The following NXPH2 variants were observed in gnomAD, a reference collection of about 807,000 sequenced individuals.
NXPH2 encodes neurexophilin 2, also known as neurexophilin-2.
In NXPH2, 5 loss-of-function variants were observed where a neutral mutation model predicts 19.8. That is an observed-to-expected ratio of 0.25 (90% CI 0.13 to 0.53). NXPH2 has a LOEUF of 0.53. Among genes scored for constraint, NXPH2 ranks in the 20% least tolerant of loss-of-function variants. NXPH2 has a pLI of 0.96. For synonymous variants in NXPH2, 154 were observed against 127.4 expected, an observed-to-expected ratio of 1.21 and a Z score of -1.41; for missense variants, 289 against 322.8, an observed-to-expected ratio of 0.90 and a Z score of 0.80.
In NXPH2 at chr2:138,771,276, G is replaced by A. The variant is rs112031813; in HGVS notation, c.51+8915C>T. Among the ~76,000 whole-genome samples, 34 of 152,214 alleles carry A rather than the reference G, an allele frequency of 2.2e-4. 1 individual carries two copies. The highest frequency in any genetic ancestry group is 8.2e-4 in the African/African-American group (34 of 41,544). ...AAATATAAGTTGCTCTATCAAAGTA[G>A]CCAAAATATGCTATTGCATTAAAAA... On this transcript the variant is annotated intron_variant, in intron 1 of 1. Transcript: ENST00000272641.
chr2:138,767,836 C>A (rs1474129542), intron 1 of NXPH2, among the ~76,000 whole-genome samples: 3 of 152,084 alleles, frequency 2.0e-5, no homozygotes, highest in Admixed American at 6.6e-5. Context: ...TCCTCTTTTT[C>A]TGGAGCTCTT....
At chr2:138,728,056 A>G (rs1027449757) in intron 1 of NXPH2, among the ~76,000 whole-genome samples, 3 of 152,176 alleles carry the variant, frequency 2.0e-5, no homozygotes, top group African/African-American at 7.2e-5. Flanking sequence ...TCATATATTG[A>G]AGCCCTTGCC....
intron 1 of NXPH2, among the ~76,000 whole-genome samples, chr2:138,761,241 C>T (rs1305275720): frequency 2.0e-5 from 3 of 152,170 alleles, no homozygotes; most frequent in Non-Finnish European, 4.4e-5. Context: ...CTTTCACCAG[C>T]GCATTCTCTG....
intron 1 of NXPH2, among the ~76,000 whole-genome samples, chr2:138,718,281 A>G (rs1201806324): frequency 6.6e-6 from 1 of 152,104 alleles, no homozygotes; most frequent in Admixed American, 6.6e-5. Flanking sequence ...CAATTTAAAA[A>G]ATTTCTAAGA....
chr2:138,775,959 A>T (rs1682254755), intron 1 of NXPH2, among the ~76,000 whole-genome samples: 1 of 152,174 alleles, frequency 6.6e-6, no homozygotes, highest in Non-Finnish European at 1.5e-5. Context: ...GTGTGCAGCT[A>T]TAATTCTTTT....
chr2:138,780,214 C>T lies in NXPH2; in HGVS notation c.28G>A (p.Val10Met), dbSNP rs771282738. Residue 10 changes from valine (V) to methionine (M), a missense_variant, in exon 1 of 2, where the codon GTG (valine) becomes ATG (methionine). Val to Met is a conservative substitution (Grantham distance 21, BLOSUM62 1). Coordinates refer to ENST00000272641, the MANE Select transcript of NXPH2 (RefSeq NM_007226.3). MRLRPLPLV[V>M]VPGLLQLLFC... The stretch of plus-strand genomic sequence containing the variant: ...ACCAGCTGCAGCAAGCCAGGGACCA[C>T]CACGAGGGGCAGCGGCCGCAGGCGC... 4.9e-5 allele frequency: 72 copies of T among 1,473,816 alleles called. No individual in the cohort carries two copies. In the African/African-American group the frequency reaches 8.9e-4, roughly 18 times the overall value. The allele number at this position is 1,473,816 out of a possible 1,614,324, so 91.3% of individuals were successfully genotyped here. A position where few individuals can be genotyped will look rare whatever the true frequency, so the allele number is the denominator to read the frequency against.
intron 1 of NXPH2, among the ~76,000 whole-genome samples, chr2:138,771,855 G>A (rs1323621235): frequency 6.6e-6 from 1 of 152,070 alleles, no homozygotes; most frequent in African/African-American, 2.4e-5. Context: ...CTGGCAAAGT[G>A]CCTCCCCAAA....
intron 1 of NXPH2, among the ~76,000 whole-genome samples, chr2:138,753,246 C>T (rs1464144531): frequency 6.6e-6 from 1 of 152,092 alleles, no homozygotes; most frequent in African/African-American, 2.4e-5. Context: ...TTAATTTACT[C>T]TGTTGTTCAC....
intron 1 of NXPH2, among the ~76,000 whole-genome samples, chr2:138,746,070 C>G (rs562468733): frequency 6.6e-6 from 1 of 152,126 alleles, no homozygotes; most frequent in African/African-American, 2.4e-5. Context: ...GGGAATTCGT[C>G]GTCCTGTATG....
intron 1 of NXPH2, among the ~76,000 whole-genome samples, chr2:138,672,204 A>G (rs547630292): frequency 7.5e-4 from 115 of 152,340 alleles, no homozygotes; most frequent in African/African-American, 2.6e-3. Flanking sequence ...GTAACAAAAA[A>G]GCATGTGATG....
In NXPH2 at chr2:138,678,046, C is replaced by G. The variant is rs1286939958; in HGVS notation, c.52-6381G>C. On this transcript the variant is annotated intron_variant, in intron 1 of 1. Coordinates refer to ENST00000272641, the MANE Select transcript of NXPH2 (RefSeq NM_007226.3). The stretch of plus-strand genomic sequence containing the variant: ...AATGTCTTTTATTTGCTCCAGCATC[C>G]TGTGCAGGATCCCACATTAAATTTG... Among the ~76,000 whole-genome samples the G allele has an allele frequency of 2.6e-5, 4 of 152,152 alleles. No homozygotes were observed. The East Asian group carries it at 7.7e-4, about 29-fold the overall frequency.
At chr2:138,754,548 C>A (rs1681876032) in intron 1 of NXPH2, among the ~76,000 whole-genome samples, 1 of 152,132 alleles carries the variant, frequency 6.6e-6, no homozygotes. Context: ...AATAGTATTT[C>A]ATTGTATGAA....
At chr2:138,751,745 GTATT>G (rs913208196) in intron 1 of NXPH2, among the ~76,000 whole-genome samples, 3 of 152,096 alleles carry the variant, frequency 2.0e-5, no homozygotes, top group African/African-American at 7.2e-5. Context: ...TATGGTTAAA[GTATT>G]TATTTATTCC....
chr2:138,686,934 T>G (rs1680666175), intron 1 of NXPH2, among the ~76,000 whole-genome samples: 1 of 152,216 alleles, frequency 6.6e-6, no homozygotes, highest in Non-Finnish European at 1.5e-5. Context: ...TGCCACATTT[T>G]CTTAATCCAG....
chr2:138,701,311 C>T (rs1413308764), intron 1 of NXPH2, among the ~76,000 whole-genome samples: 3 of 151,976 alleles, frequency 2.0e-5, no homozygotes, highest in Admixed American at 6.6e-5. Context: ...GAACTGAATG[C>T]AATTATCTGA....
chr2:138,718,349 C>T (rs986662973), intron 1 of NXPH2, among the ~76,000 whole-genome samples: 1 of 152,086 alleles, frequency 6.6e-6, no homozygotes, highest in African/African-American at 2.4e-5. Context: ...GATTTCCCTT[C>T]AGCAACAGTG....
chr2:138,706,592 A>G (rs1573961013), intron 1 of NXPH2, among the ~76,000 whole-genome samples: 2 of 152,340 alleles, frequency 1.3e-5, no homozygotes, highest in East Asian at 3.9e-4. Context: ...GCTGATGAAT[A>G]TGAATGAGAA....
Position 138,675,259 on chromosome 2 carries a change from T to A in NXPH2, c.52-3594A>T, listed in dbSNP as rs375797964. ...TTTAAAGTGCTTGTTTAATGTTATA[T>A]GTTTCCCTAAATTTTTTTCTGCCTG... On this transcript the variant is annotated intron_variant, in intron 1 of 1. Coordinates refer to ENST00000272641, the MANE Select transcript of NXPH2 (RefSeq NM_007226.3). 9.8e-5 allele frequency among the ~76,000 whole-genome samples: 15 copies of A among 152,328 alleles called. No homozygotes were observed. In the East Asian group the frequency reaches 2.3e-3, roughly 23 times the overall value.
chr2:138,759,971 C>T (rs962033529), intron 1 of NXPH2, among the ~76,000 whole-genome samples: 17 of 152,018 alleles, frequency 1.1e-4, no homozygotes, highest in East Asian at 1.9e-4. Flanking sequence ...CCTTGTGATC[C>T]GCCCGCCTCG....
Sources: allele counts gnomAD v4.1 joint callset (sites outside exome capture counted in the v4.1 genomes callset), GRCh38; gene constraint gnomAD v4.1.1; transcripts MANE v1.5; gene names NCBI Gene and HGNC (gene_info 2026-07-23, HGNC 2026-07-21).